CEP128: variants seen among roughly 807,000 people sequenced by gnomAD.
CEP128 encodes centrosomal protein 128kDa.
A neutral mutation model predicts 156.7 loss-of-function variants in CEP128; 132 were observed. The observed-to-expected ratio is 0.84, with a 90% CI of 0.73 to 0.97. The LOEUF (loss-of-function observed/expected upper bound fraction) is 0.97, where lower values mean the gene tolerates loss of function less well. Among genes scored for constraint, CEP128 ranks in the 50% least tolerant of loss-of-function variants. The pLI is 0.00. For synonymous variants in CEP128, 469 were observed against 448.9 expected (o/e 1.04, Z -0.57); for missense variants, 1,252 against 1,281.9 (o/e 0.98, Z 0.36).
At position 80,685,002 on chromosome 14, in the gene CEP128, G is replaced by A. The variant is rs149830349; in HGVS notation, c.2806+58073C>T. On this transcript the variant is annotated intron_variant, in intron 19 of 24. Transcript: ENST00000555265. ...TCACAGTCAACATCGTGCAGAATGG[G>A]CAAAAATTGGCAGCATTCCCTTTGA... Among the ~76,000 whole-genome samples the A allele has an allele frequency of 3.9e-5, 6 of 152,196 alleles. No individual in the cohort carries two copies. In the East Asian group the frequency reaches 1.2e-3, roughly 29 times the overall value.
At chr14:80,770,363 T>TC (rs1900453762) in intron 16 of CEP128, among the ~76,000 whole-genome samples, 1 of 152,332 alleles carries the variant, frequency 6.6e-6, no homozygotes, top group Non-Finnish European at 1.5e-5. Context: ...TTTATTTTTT[T>TC]CCCTTCTCTT....
chr14:80,674,866 T>C (rs966151793), intron 19 of CEP128, among the ~76,000 whole-genome samples: 4 of 152,176 alleles, frequency 2.6e-5, no homozygotes, highest in African/African-American at 9.6e-5. Flanking sequence ...CCCATACATC[T>C]TGCTCCAATG....
chr14:80,645,113 T>C (rs1038955733), intron 19 of CEP128, among the ~76,000 whole-genome samples: 2 of 152,148 alleles, frequency 1.3e-5, no homozygotes, highest in African/African-American at 4.8e-5. Context: ...GTAGGTTCCT[T>C]TTGACTCTAA....
chr14:80,530,752 T>C (rs556376274), intron 22 of CEP128, 57 bp downstream of exon 22: 15 of 1,233,510 alleles, frequency 1.2e-5, no homozygotes, highest in South Asian at 2.9e-5. Context: ...ATCAGGAAGA[T>C]GTCAAGTGTT....
chr14:80,783,163 A>C (rs1901217307), intron 15 of CEP128, among the ~76,000 whole-genome samples: 1 of 152,142 alleles, frequency 6.6e-6, no homozygotes, highest in Non-Finnish European at 1.5e-5. Flanking sequence ...CAATATGCTA[A>C]AAAACAACAA....
chr14:80,724,361 A>C (rs1240484156), intron 19 of CEP128, among the ~76,000 whole-genome samples: 1 of 152,060 alleles, frequency 6.6e-6, no homozygotes, highest in Non-Finnish European at 1.5e-5. Flanking sequence ...CAATTAGTTC[A>C]ATACTTAATA....
chr14:80,897,674 T>A (rs1011927184), intron 7 of CEP128, among the ~76,000 whole-genome samples: 1 of 152,166 alleles, frequency 6.6e-6, no homozygotes, highest in African/African-American at 2.4e-5. Context: ...AAAAACAGTA[T>A]CTTCAAACAA....
intron 21 of CEP128, among the ~76,000 whole-genome samples, chr14:80,538,307 T>C (rs1889579367): frequency 6.6e-6 from 1 of 152,192 alleles, no homozygotes; most frequent in East Asian, 1.9e-4. Flanking sequence ...ATATCTAACA[T>C]TTAGAAATGC....
At chr14:80,952,350 A>G (rs1886484775) in intron 2 of CEP128, among the ~76,000 whole-genome samples, 1 of 152,170 alleles carries the variant, frequency 6.6e-6, no homozygotes, top group Admixed American at 6.5e-5. Context: ...CAAATTAACA[A>G]CAGAATATCT....
chr14:80,780,920 A>C (rs939916619), intron 15 of CEP128, among the ~76,000 whole-genome samples: 2 of 152,302 alleles, frequency 1.3e-5, no homozygotes, highest in African/African-American at 4.8e-5. Context: ...AGGCAGCCTA[A>C]ATGTGCTGTA....
chr14:80,489,614 A>ACCAACAATCAGAGCGGGGTGTG (rs1566735436), downstream of CEP128, among the ~76,000 whole-genome samples: 1 of 151,970 alleles, frequency 6.6e-6, no homozygotes, highest in African/African-American at 2.4e-5. Flanking sequence ...GCTCTAAAGG[A>ACCAACAATCAGAGCGGGGTGTG]ATTGGTGCTA....
intron 19 of CEP128, among the ~76,000 whole-genome samples, chr14:80,694,567 C>A (rs759350225): frequency 1.3e-5 from 2 of 151,994 alleles, no homozygotes; most frequent in South Asian, 2.1e-4. Context: ...ATATATGCAG[C>A]CATAAAAAAG....
chr14:80,481,498 A>T (rs1001286353), intron 14 of CEP128, among the ~76,000 whole-genome samples: 1 of 152,210 alleles, frequency 6.6e-6, no homozygotes, highest in Non-Finnish European at 1.5e-5. Context: ...TAATTCAAAG[A>T]TGGTTTGGTC....
At chr14:80,760,120 C>T (rs1014077660) in intron 17 of CEP128, among the ~76,000 whole-genome samples, 1 of 150,998 alleles carries the variant, frequency 6.6e-6, no homozygotes, top group African/African-American at 2.4e-5. Flanking sequence ...GCAAATATGA[C>T]AAGTCTTAAA....
chr14:80,713,153 T>C lies in CEP128; in HGVS notation c.2806+29922A>G, dbSNP rs149147751. 1.6e-3 allele frequency among the ~76,000 whole-genome samples: 250 copies of C among 152,240 alleles called. 2 individuals carry two copies. The highest frequency in any genetic ancestry group is 5.5e-3 in the African/African-American group (228 of 41,560). On this transcript the variant is annotated intron_variant, in intron 19 of 24. Transcript: ENST00000555265. ...TTGCAGGTAAAAAGCAGCCTCCCCATTGCTCCTAGCATTATCCTACAAATA... is the reference window on the plus strand; with the variant it reads ...TTGCAGGTAAAAAGCAGCCTCCCCACTGCTCCTAGCATTATCCTACAAATA...
chr14:80,769,365 GTGTGA>G (rs1900399108), intron 16 of CEP128, among the ~76,000 whole-genome samples: 1 of 151,676 alleles, frequency 6.6e-6, no homozygotes, highest in Admixed American at 6.6e-5. Flanking sequence ...TGCCATGTTG[GTGTGA>G]TGTACCCATT....
chr14:80,850,057 G>T (rs1886809723), intron 9 of CEP128, among the ~76,000 whole-genome samples: 1 of 152,044 alleles, frequency 6.6e-6, no homozygotes, highest in African/African-American at 2.4e-5. Flanking sequence ...ATAGAGGGAG[G>T]GAGGGAAGGA....
chr14:80,500,227 T>A (rs1887672663), intron 24 of CEP128, among the ~76,000 whole-genome samples: 1 of 152,216 alleles, frequency 6.6e-6, no homozygotes. Context: ...GGTCAATGAT[T>A]CTATGCTTTA....
chr14:80,666,724 CAA>C lies in CEP128; in HGVS notation c.2806+76349_2806+76350del, dbSNP rs78322396. ...ATATTCAAGTAGGAAAAGAGAGAGA[CAA>C]AAAAAAAAAAAAAGACCAAACGCAT... On this transcript the variant is annotated intron_variant, in intron 19 of 24. Transcript: ENST00000555265. 1.7e-3 allele frequency among the ~76,000 whole-genome samples: 177 copies of C among 103,436 alleles called. 1 individual carries two copies. The highest frequency in any genetic ancestry group is 0.016 in the East Asian group (61 of 3,902). The allele number at this position is 103,436 out of a possible 152,430, so 67.9% of individuals were successfully genotyped here. A position where few individuals can be genotyped will look rare whatever the true frequency, so the allele number is the denominator to read the frequency against.
Sources: gnomAD v4.1 joint callset for allele counts (sites outside exome capture counted in the v4.1 genomes callset) on GRCh38, gnomAD v4.1.1 for gene constraint, MANE v1.5 for transcripts, NCBI Gene and HGNC (gene_info 2026-07-23, HGNC 2026-07-21) for gene names.